The following TK2 variants were observed in gnomAD, a reference collection of about 807,000 sequenced individuals.
The protein encoded by TK2 is thymidine kinase 2, mitochondrial.
TK2 carries 35 observed loss-of-function variants against 41.9 expected under a neutral mutation model. The ratio of observed to expected loss-of-function variants is 0.84; its 90% CI spans 0.64 to 1.11. The LOEUF is 1.11. Ranked by LOEUF, TK2 falls within the 50% of genes least tolerant of loss-of-function variation. The pLI is 0.00. For missense variants in TK2, 320 were observed against 351.1 expected, an observed-to-expected ratio of 0.91 and a Z score of 0.71; for synonymous variants, 128 against 129.1, an observed-to-expected ratio of 0.99 and a Z score of 0.06.
intron 5 of TK2, among the ~76,000 whole-genome samples, chr16:66,530,515 G>C (rs1347299885): frequency 2.0e-5 from 3 of 152,150 alleles, no homozygotes; most frequent in African/African-American, 7.2e-5. Flanking sequence ...GACCAAAGCT[G>C]AACCAATCAG....
chr16:66,533,962 C>T lies in TK2; in HGVS notation c.286-2493G>A, dbSNP rs866910839. Among the ~76,000 whole-genome samples, 12 of 141,258 alleles carry T rather than the reference C, an allele frequency of 8.5e-5. No homozygotes were observed. The South Asian group carries it at 1.6e-3, about 19-fold the overall frequency. The allele number at this position is 141,258 out of a possible 152,430, so 92.7% of individuals were successfully genotyped here. A position where few individuals can be genotyped will look rare whatever the true frequency, so the allele number is the denominator to read the frequency against. On this transcript the variant is annotated intron_variant, in intron 4 of 9. Transcript: ENST00000544898. The stretch of plus-strand genomic sequence containing the variant: ...GGCGGAGCTTGCAGTGAGCCGAGAT[C>T]GCGCCACTGCACTCCAGCCTGGGCG...
chr16:66,516,803 A>C (rs1964628734), intron 8 of TK2, among the ~76,000 whole-genome samples: 1 of 152,012 alleles, frequency 6.6e-6, no homozygotes, highest in Non-Finnish European at 1.5e-5. Context: ...CACAGAGAGC[A>C]CAAGGCCAGG....
At position 66,513,762 on chromosome 16, in the gene TK2, C is replaced by A. The variant is rs779465340; in HGVS notation, c.668G>T (p.Gly223Val). 6.2e-7 allele frequency: 1 copy of A among 1,613,922 alleles called. No homozygotes were observed. Among genetic ancestry groups the A allele is most frequent in the African/African-American group, 1.3e-5 (1 of 74,878 alleles). Residue 223 changes from glycine to valine, a missense_variant, in exon 9 of 10, where the codon GGC (glycine) becomes GTC (valine). By Grantham distance (109) the Gly-to-Val change is moderately radical. Coordinates refer to ENST00000544898, the MANE Select transcript of TK2 (RefSeq NM_004614.5). ...HHLHEEWLIKGSLFPMAAPVL... is the reference protein window; with the variant it reads ...HHLHEEWLIKVSLFPMAAPVL... ...AGGGGCTGCCATGGGGAAAAGGCTG[C>A]CTTTGATGAGCCACTCCTCATGGAG...
At position 66,531,439 on chromosome 16, in the gene TK2, C is replaced by G; in HGVS notation, c.316G>C (p.Gly106Arg). The G allele has an allele frequency of 6.2e-7, 1 of 1,614,126 alleles. No homozygotes were observed. Among genetic ancestry groups the G allele is most frequent in the Non-Finnish European group, 8.5e-7 (1 of 1,180,026 alleles). The change falls in exon 5 of 10, where the codon GGT becomes CGT. Residue 106 changes from glycine (G) to arginine (R), a missense_variant. Physicochemically the swap from Gly to Arg is moderately radical, Grantham distance 125. Transcript: ENST00000544898. The part of the protein sequence containing the change: ...GLMYHDASRW[G>R]LTLQTYVQLT... ...TGCACATAAGTCTGTAGCGTAAGAC[C>G]CCAGCGAGAGGCATCGTGGTACATC...
chr16:66,512,438 T>G (rs1313660740), intron 9 of TK2, among the ~76,000 whole-genome samples: 1 of 151,986 alleles, frequency 6.6e-6, no homozygotes, highest in Non-Finnish European at 1.5e-5. Flanking sequence ...CTTTCTACCC[T>G]CCTTTTTTTC....
intron 9 of TK2, among the ~76,000 whole-genome samples, chr16:66,513,417 G>C (rs1283857302): frequency 6.6e-6 from 1 of 152,192 alleles, no homozygotes; most frequent in African/African-American, 2.4e-5. Context: ...GGTCACATCA[G>C]AGGAACTACT....
At position 66,517,051 on chromosome 16, in the gene TK2, A is replaced by G. The variant is rs1964636010; in HGVS notation, c.618+85T>C. ...CTGCAAACAAGGGCACAATGATCTC[A>G]TGGGGGTGGGGCCGGGAGAGGAAGC... On this transcript the variant is annotated intron_variant, in intron 8 of 9. Transcript: ENST00000544898. The surrounding 1 kb of genome is among the most constrained non-coding windows in gnomAD (Gnocchi z 4.3). The G allele has an allele frequency of 8.7e-7, 1 of 1,143,356 alleles. No homozygotes were observed. Among genetic ancestry groups the G allele is most frequent in the Admixed American group, 1.7e-5 (1 of 59,236 alleles). 70.8% of individuals were successfully genotyped at this position (1,143,356 alleles called of 1,614,324 possible). A position where few individuals can be genotyped will look rare whatever the true frequency, so the allele number is the denominator to read the frequency against.
chr16:66,523,746 T>A (rs1480571722), intron 6 of TK2, among the ~76,000 whole-genome samples: 2 of 152,164 alleles, frequency 1.3e-5, no homozygotes, highest in African/African-American at 4.8e-5. Context: ...GGAGAATTGC[T>A]TGAATCTGGG....
intron 2 of TK2, chr16:66,548,097 A>G: frequency 2.0e-6 from 1 of 502,596 alleles, no homozygotes; most frequent in South Asian, 1.6e-5. Context: ...AAATACATTA[A>G]TTACCATCCA....
rs764174636 is a variant in TK2 at position 66,512,081 on chromosome 16, C to T, written c.700-15G>A. 3 of 1,610,676 alleles carry T rather than the reference C, an allele frequency of 1.9e-6. No individual in the cohort carries two copies. The highest frequency in any genetic ancestry group is 2.2e-5 in the East Asian group (1 of 44,866). The stretch of plus-strand genomic sequence containing the variant: ...GCCTCAATCACCTGGAAATTAGACA[C>T]ATGGGTCACAAGGCTGCACTGACCT... On this transcript the variant is annotated splice_polypyrimidine_tract_variant and intron_variant, in intron 9 of 9. Coordinates refer to ENST00000544898, the MANE Select transcript of TK2 (RefSeq NM_004614.5).
chr16:66,523,386 T>C (rs558748490), intron 6 of TK2, among the ~76,000 whole-genome samples: 1 of 152,324 alleles, frequency 6.6e-6, no homozygotes, highest in East Asian at 1.9e-4. Flanking sequence ...TGGTTCCCAG[T>C]ACCTGGCTGA....
intron 6 of TK2, 139 bp from the exon 7 acceptor site, chr16:66,518,016 T>G (rs544048988): frequency 1.3e-6 from 1 of 759,390 alleles, no homozygotes; most frequent in East Asian, 2.6e-5. Context: ...CGTGCAATAC[T>G]GGACATGCAG....
chr16:66,526,908 C>T (rs144739577), intron 6 of TK2, among the ~76,000 whole-genome samples: 192 of 152,312 alleles, frequency 1.3e-3, no homozygotes, highest in African/African-American at 4.4e-3. Flanking sequence ...TTTTTTGAGA[C>T]GGAGTCTCGC....
At position 66,550,036 on chromosome 16, in the gene TK2, C is replaced by G; in HGVS notation, c.26G>C (p.Trp9Ser). 1 of 1,558,390 alleles carries G rather than the reference C, an allele frequency of 6.4e-7. No individual in the cohort carries two copies. The highest frequency in any genetic ancestry group is 8.7e-7 in the Non-Finnish European group (1 of 1,152,850). The change falls in exon 1 of 10, where the codon TGG becomes TCG. Residue 9 changes from tryptophan to serine, a missense_variant. Coordinates refer to ENST00000544898, the MANE Select transcript of TK2 (RefSeq NM_004614.5). ...AAAGCAGCGCAGCGCCCGGGCGGCCCAGCCCCGCAGCGGCCACAGCAGCAT... is the reference window on the plus strand; with the variant it reads ...AAAGCAGCGCAGCGCCCGGGCGGCCGAGCCCCGCAGCGGCCACAGCAGCAT... MLLWPLRG[W>S]AARALRCFGP...
intron 5 of TK2, 84 bp from the exon 6 acceptor site, chr16:66,529,151 T>G: frequency 3.9e-6 from 5 of 1,280,634 alleles, no homozygotes; most frequent in Non-Finnish European, 4.5e-6. Context: ...TTACTCCCCC[T>G]GCCTGGGGAC....
intron 1 of TK2, 84 bp downstream of exon 1, chr16:66,549,854 C>A (rs893462263): frequency 3.9e-6 from 5 of 1,285,782 alleles, no homozygotes; most frequent in East Asian, 3.2e-5. Context: ...GCGCTTCGGG[C>A]TCGGGCGGGT....
chr16:66,547,159 CAGA>C, intron 2 of TK2, among the ~76,000 whole-genome samples: 1 of 152,184 alleles, frequency 6.6e-6, no homozygotes, highest in Non-Finnish European at 1.5e-5. Flanking sequence ...ACCATCCACC[CAGA>C]CACCTTTAAC....
At chr16:66,548,316 C>T (rs901993642) in intron 2 of TK2, among the ~76,000 whole-genome samples, 1 of 152,182 alleles carries the variant, frequency 6.6e-6, no homozygotes, top group Non-Finnish European at 1.5e-5. Context: ...CCTGCCACCA[C>T]TTGCCAAGCC....
At chr16:66,532,699 A>G (rs764443266) in intron 4 of TK2, among the ~76,000 whole-genome samples, 8 of 152,146 alleles carry the variant, frequency 5.3e-5, no homozygotes, top group Non-Finnish European at 1.0e-4. Flanking sequence ...AAGGAAAACT[A>G]TAAAACACTG....
Sources: allele counts gnomAD v4.1 joint callset (sites outside exome capture counted in the v4.1 genomes callset), GRCh38; gene constraint gnomAD v4.1.1; non-coding constraint Gnocchi (gnomAD v3.1); transcripts MANE v1.5; gene names NCBI Gene and HGNC (gene_info 2026-07-23, HGNC 2026-07-21).